FAM220A: variants seen among roughly 807,000 people sequenced by gnomAD.
FAM220A encodes family with sequence similarity 220 member A.
For synonymous variants in FAM220A, 141 were observed against 130.7 expected (o/e 1.08, Z -0.54); for missense variants, 392 against 321.6 (o/e 1.22, Z -1.68).
At chr7:6,343,617 T>G (rs992535428) in intron 1 of FAM220A, among the ~76,000 whole-genome samples, 1 of 151,790 alleles carries the variant, frequency 6.6e-6, no homozygotes, top group Non-Finnish European at 1.5e-5. Flanking sequence ...AGATTCTGTA[T>G]AAATAAGAAG....
chr7:6,340,395 G>A (rs542363524), intron 1 of FAM220A, among the ~76,000 whole-genome samples: 21 of 152,276 alleles, frequency 1.4e-4, no homozygotes, highest in Admixed American at 1.4e-3. Context: ...AGCGACCACT[G>A]CATGTGTGTA....
intron 1 of FAM220A, among the ~76,000 whole-genome samples, chr7:6,334,519 G>A (rs1781707548): frequency 6.6e-6 from 1 of 152,060 alleles, no homozygotes; most frequent in South Asian, 2.1e-4. Flanking sequence ...CCAGACTGAA[G>A]TGCAGTGGCA....
chr7:6,343,310 G>A (rs1488937755), intron 1 of FAM220A, among the ~76,000 whole-genome samples: 1 of 149,908 alleles, frequency 6.7e-6, no homozygotes, highest in Non-Finnish European at 1.5e-5. Context: ...CTGGGAAGCG[G>A]AGGTTGCAGT....
rs982967678 is a variant in FAM220A, at chr7:6,330,074, G to A, written c.*301C>T. The stretch of plus-strand genomic sequence containing the variant: ...GTAGCCCTTTAGAATGGATGTTGAA[G>A]ACAGAACTTCATGGTAAATCCGTAT... On this transcript the variant is annotated 3_prime_UTR_variant, in exon 2 of 2. Transcript: ENST00000313324. 2 of 346,884 alleles carry A rather than the reference G, an allele frequency of 5.8e-6. No homozygotes were observed. The highest frequency in any genetic ancestry group is 7.2e-5 in the East Asian group (1 of 13,946). The allele number at this position is 346,884 out of a possible 1,614,324, so 21.5% of individuals were successfully genotyped here. A position where few individuals can be genotyped will look rare whatever the true frequency, so the allele number is the denominator to read the frequency against.
chr7:6,334,184 T>G (rs1430388630), intron 1 of FAM220A, among the ~76,000 whole-genome samples: 1 of 151,268 alleles, frequency 6.6e-6, no homozygotes, highest in Non-Finnish European at 1.5e-5. Context: ...CACATCAGCC[T>G]CCTGAGTAGC....
intron 1 of FAM220A, among the ~76,000 whole-genome samples, chr7:6,343,627 G>A (rs181399277): frequency 1.2e-4 from 18 of 151,728 alleles, no homozygotes; most frequent in Admixed American, 1.1e-3. Flanking sequence ...TAAATAAGAA[G>A]GATGCTAAGA....
At position 6,330,409 on chromosome 7, in the gene FAM220A, G is replaced by A. The variant is rs1169451132; in HGVS notation, c.746C>T (p.Pro249Leu). The A allele has an allele frequency of 6.2e-7, 1 of 1,613,706 alleles. No homozygotes were observed. Among genetic ancestry groups the A allele is most frequent in the South Asian group, 1.1e-5 (1 of 91,000 alleles). ...GCATAATGTATTTGCTAATTCAAAA[G>A]GTTGCAGAGCCAGTAACCCCAGTGT... ...QITLGLLALQ[P>L]FELANTLCHS The change falls in exon 2 of 2, where the codon CCT (proline) becomes CTT (leucine). Residue 249 changes from proline to leucine, a missense_variant. Coordinates refer to ENST00000313324, the MANE Select transcript of FAM220A (RefSeq NM_001037163.2).
At position 6,329,633 on chromosome 7, in the gene FAM220A, G is replaced by A. The variant is rs1781587977; in HGVS notation, c.*742C>T. Reference sequence around the variant, plus strand: ...AACAGACGACAACAGGAGTCACCTTGAAAAATTTTAGGGTACAGGATACTG... The same window carrying A: ...AACAGACGACAACAGGAGTCACCTTAAAAAATTTTAGGGTACAGGATACTG... On this transcript the variant is annotated 3_prime_UTR_variant, in exon 2 of 2. Coordinates refer to ENST00000313324, the MANE Select transcript of FAM220A (RefSeq NM_001037163.2). The A allele has an allele frequency of 1.2e-5, 2 of 161,946 alleles. No individual in the cohort carries two copies. The highest frequency in any genetic ancestry group is 6.6e-5 in the Admixed American group (1 of 15,236). The allele number at this position is 161,946 out of a possible 1,614,324, so 10.0% of individuals were successfully genotyped here.
At position 6,343,013 on chromosome 7, in the gene FAM220A, G is replaced by T. The variant is rs569335916; in HGVS notation, c.-82+5560C>A. Among the ~76,000 whole-genome samples, 4 of 146,702 alleles carry T rather than the reference G, an allele frequency of 2.7e-5. No homozygotes were observed. The East Asian group carries it at 8.4e-4, about 31-fold the overall frequency. On this transcript the variant is annotated intron_variant, in intron 1 of 1. Coordinates refer to ENST00000313324, the MANE Select transcript of FAM220A (RefSeq NM_001037163.2). The stretch of plus-strand genomic sequence containing the variant: ...GATCGCACCACTGCACTCCAGCCTG[G>T]ATGACAGAGGAAGACGCTTTCTCAA...
At chr7:6,334,726 A>C (rs187046516) in intron 1 of FAM220A, among the ~76,000 whole-genome samples, 391 of 152,150 alleles carry the variant, frequency 2.6e-3, no homozygotes, top group African/African-American at 8.7e-3. Flanking sequence ...TTGGCCTCCC[A>C]AAGTGCTAGG....
In FAM220A at chr7:6,331,100, C is replaced by T. The variant is rs774006557; in HGVS notation, c.55G>A (p.Gly19Arg). The T allele has an allele frequency of 1.5e-5, 25 of 1,613,274 alleles. No homozygotes were observed. Among genetic ancestry groups the T allele is most frequent in the Middle Eastern group, 3.3e-4 (2 of 6,084 alleles). ...GTCLAQVQQAGGGDSDKLSCS... is the reference protein window; with the variant it reads ...GTCLAQVQQARGGDSDKLSCS... ...GATAGTTTGTCCGAGTCACCTCCTCCGGCCTGCTGCACTTGTGCCAGGCAG... is the reference window on the plus strand; with the variant it reads ...GATAGTTTGTCCGAGTCACCTCCTCTGGCCTGCTGCACTTGTGCCAGGCAG... Residue 19 changes from glycine (G) to arginine (R), a missense_variant, in exon 2 of 2, where the codon GGA becomes AGA. By Grantham distance (125) the Gly-to-Arg change is moderately radical. Transcript: ENST00000313324.
In FAM220A at chr7:6,331,030, T is replaced by C. The variant is rs1292985479; in HGVS notation, c.125A>G (p.Asp42Gly). ...AGGCTTATTCATCCAGGAGGGTGCATCTGCAGGCCAAGGGCCCTCCGGCAT... is the reference window on the plus strand; with the variant it reads ...AGGCTTATTCATCCAGGAGGGTGCACCTGCAGGCCAAGGGCCCTCCGGCAT... The part of the protein sequence containing the change: ...KRMPEGPWPA[D>G]APSWMNKPVV... The change falls in exon 2 of 2, where the codon GAT becomes GGT. Residue 42 changes from aspartate to glycine, a missense_variant. Coordinates refer to ENST00000313324, the MANE Select transcript of FAM220A (RefSeq NM_001037163.2). The C allele has an allele frequency of 6.2e-7, 1 of 1,614,092 alleles. No homozygotes were observed. The highest frequency in any genetic ancestry group is 2.2e-5 in the East Asian group (1 of 44,886).
In FAM220A at chr7:6,337,119, T is replaced by C. The variant is rs118044555; in HGVS notation, c.-81-5884A>G. 8.1e-4 allele frequency among the ~76,000 whole-genome samples: 123 copies of C among 151,888 alleles called. 2 individuals are homozygous for C. The East Asian group carries it at 0.022, about 27-fold the overall frequency. On this transcript the variant is annotated intron_variant, in intron 1 of 1. Coordinates refer to ENST00000313324, the MANE Select transcript of FAM220A (RefSeq NM_001037163.2). The stretch of plus-strand genomic sequence containing the variant: ...GAGTCTCTCTCTGTCTCGCCCAGGC[T>C]GGAGTGCAGTGGCGCAATCTCAGCT...
chr7:6,333,537 C>G (rs1162226105), intron 1 of FAM220A, among the ~76,000 whole-genome samples: 2 of 152,144 alleles, frequency 1.3e-5, no homozygotes, highest in South Asian at 2.1e-4. Context: ...CTCACTCTGC[C>G]TCCCAGGCTG....
chr7:6,347,883 TTTA>T (rs143253434), intron 1 of FAM220A, among the ~76,000 whole-genome samples: 13,861 of 131,358 alleles, frequency 0.11, 936 homozygotes, highest in East Asian at 0.23. Context: ...ACGAGACCCC[TTTA>T]TTATTATTAT....
intron 1 of FAM220A, among the ~76,000 whole-genome samples, chr7:6,337,576 A>G (rs1282376991): frequency 6.6e-6 from 1 of 151,304 alleles, no homozygotes; most frequent in African/African-American, 2.4e-5. Flanking sequence ...TACTTTAAAT[A>G]CAGTACCATT....
At chr7:6,348,238 G>GC (rs1554260859) in intron 1 of FAM220A, among the ~76,000 whole-genome samples, 1 of 150,960 alleles carries the variant, frequency 6.6e-6, no homozygotes, top group Non-Finnish European at 1.5e-5. Flanking sequence ...AATAAGGGGG[G>GC]GGGTTGCAAA....
chr7:6,339,544 A>G (rs1016706378), intron 1 of FAM220A, among the ~76,000 whole-genome samples: 1 of 145,600 alleles, frequency 6.9e-6, no homozygotes, highest in Non-Finnish European at 1.5e-5. Context: ...AGTGCAGTGG[A>G]GCAATCTCAG....
chr7:6,344,375 G>C (rs1309378439), intron 1 of FAM220A, among the ~76,000 whole-genome samples: 1 of 152,162 alleles, frequency 6.6e-6, no homozygotes, highest in Non-Finnish European at 1.5e-5. Context: ...CCCATGATGT[G>C]ACATGGCTGC....
Sources: gnomAD v4.1 joint callset for allele counts (sites outside exome capture counted in the v4.1 genomes callset) on GRCh38, gnomAD v4.1.1 for gene constraint, MANE v1.5 for transcripts, NCBI Gene and HGNC (gene_info 2026-07-23, HGNC 2026-07-21) for gene names.